Variants in KCNJ3 observed in about 807,000 individuals in gnomAD.
The protein encoded by KCNJ3 is potassium inwardly rectifying channel subfamily J member 3, also known as G protein-activated inward rectifier potassium channel 1.
KCNJ3 carries 4 observed loss-of-function variants against 39.2 expected under a neutral mutation model. That is an observed-to-expected ratio of 0.10 (90% CI 0.05 to 0.23). KCNJ3 has a LOEUF of 0.23. KCNJ3 is among the 10% of genes least tolerant of loss of function. The pLI is 1.00. For missense variants in KCNJ3, 276 were observed against 634.9 expected, an observed-to-expected ratio of 0.43 and a Z score of 6.08; for synonymous variants, 230 against 237.4, an observed-to-expected ratio of 0.97 and a Z score of 0.29.
intron 2 of KCNJ3, among the ~76,000 whole-genome samples, chr2:154,713,755 G>C (rs949695219): frequency 2.6e-5 from 4 of 152,220 alleles, no homozygotes; most frequent in African/African-American, 4.8e-5. Context: ...TCTCCCAGGA[G>C]AGAGAGCACT....
intron 2 of KCNJ3, among the ~76,000 whole-genome samples, chr2:154,715,958 T>G (rs1685173017): frequency 6.6e-6 from 1 of 152,200 alleles, no homozygotes; most frequent in South Asian, 2.1e-4. Flanking sequence ...TTTAGATAAA[T>G]TCTCTGCAGA....
chr2:154,699,605 G>A lies in KCNJ3; in HGVS notation c.702+128G>A. The A allele has an allele frequency of 7.2e-6, 10 of 1,389,582 alleles. No homozygotes were observed. The highest frequency in any genetic ancestry group is 9.5e-6 in the Non-Finnish European group (10 of 1,053,852). The allele number at this position is 1,389,582 out of a possible 1,614,324, so 86.1% of individuals were successfully genotyped here. ...TATAGCCACAGGTAAACTTCCTTTT[G>A]GGGGGTTGGGGGTTGGAGGACTGGG... On this transcript the variant is annotated intron_variant, in intron 1 of 2. Coordinates refer to ENST00000295101, the MANE Select transcript of KCNJ3 (RefSeq NM_002239.4). This position sits in a 1 kb window ranked among gnomAD's most constrained non-coding sequence, Gnocchi z 6.4.
intron 2 of KCNJ3, among the ~76,000 whole-genome samples, chr2:154,799,730 G>A (rs1159637522): frequency 6.6e-6 from 1 of 152,094 alleles, no homozygotes; most frequent in Non-Finnish European, 1.5e-5. Context: ...TGTGTGTGCA[G>A]CCTGCTCTCC....
chr2:154,775,688 G>A (rs191675944), intron 2 of KCNJ3, among the ~76,000 whole-genome samples: 67 of 152,132 alleles, frequency 4.4e-4, no homozygotes, highest in African/African-American at 1.3e-3. Flanking sequence ...CTCAATATTC[G>A]TTTTAGGATT....
chr2:154,808,278 A>C (rs1430476547), intron 2 of KCNJ3, among the ~76,000 whole-genome samples: 1 of 151,810 alleles, frequency 6.6e-6, no homozygotes, highest in Non-Finnish European at 1.5e-5. Flanking sequence ...ATGGCGTTTC[A>C]CCATGTTGGC....
chr2:154,775,687 C>T (rs1574457978), intron 2 of KCNJ3, among the ~76,000 whole-genome samples: 2 of 152,220 alleles, frequency 1.3e-5, no homozygotes, highest in South Asian at 2.1e-4. Context: ...CCTCAATATT[C>T]GTTTTAGGAT....
chr2:154,747,912 A>T (rs559552003), intron 2 of KCNJ3, among the ~76,000 whole-genome samples: 1 of 152,020 alleles, frequency 6.6e-6, no homozygotes, highest in South Asian at 2.1e-4. Flanking sequence ...GGTCAACTGC[A>T]TGGGCTTGGT....
chr2:154,787,786 CT>C (rs561483036), intron 2 of KCNJ3, among the ~76,000 whole-genome samples: 1 of 151,908 alleles, frequency 6.6e-6, no homozygotes, highest in South Asian at 2.1e-4. Flanking sequence ...TGGAATGCAA[CT>C]TTTTTTTATC....
chr2:154,730,132 A>G (rs1306933794), intron 2 of KCNJ3, among the ~76,000 whole-genome samples: 2 of 151,944 alleles, frequency 1.3e-5, no homozygotes, highest in South Asian at 2.1e-4. Context: ...TGATGCAACT[A>G]AGGACCAACA....
intron 2 of KCNJ3, among the ~76,000 whole-genome samples, chr2:154,734,151 T>C (rs766265432): frequency 1.8e-4 from 28 of 152,188 alleles, no homozygotes; most frequent in Admixed American, 4.6e-4. Flanking sequence ...AATATTTGCA[T>C]CCCACTTTCA....
intron 2 of KCNJ3, among the ~76,000 whole-genome samples, chr2:154,819,430 A>T (rs1687133262): frequency 6.6e-6 from 1 of 152,154 alleles, no homozygotes; most frequent in East Asian, 1.9e-4. Context: ...TTTTAAGTTG[A>T]ACCTTTAGAA....
chr2:154,756,534 T>C (rs2591166), intron 2 of KCNJ3, among the ~76,000 whole-genome samples: 145,251 of 149,970 alleles, frequency 0.97, 70,360 homozygotes, highest in East Asian at 1. Flanking sequence ...CCCCACCCCC[T>C]GACAGGCCCT....
intron 2 of KCNJ3, among the ~76,000 whole-genome samples, chr2:154,805,131 A>G (rs1047682916): frequency 6.6e-6 from 1 of 152,166 alleles, no homozygotes; most frequent in African/African-American, 2.4e-5. Flanking sequence ...GCAATCTATA[A>G]GTTTGTGTTC....
chr2:154,786,836 G>T (rs752665275), intron 2 of KCNJ3, among the ~76,000 whole-genome samples: 9 of 152,082 alleles, frequency 5.9e-5, no homozygotes, highest in African/African-American at 1.9e-4. Context: ...ATTGTTTTTC[G>T]TTGAAGAGCA....
At chr2:154,832,251 A>G (rs1485767168) in intron 2 of KCNJ3, among the ~76,000 whole-genome samples, 1 of 152,132 alleles carries the variant, frequency 6.6e-6, no homozygotes, top group African/African-American at 2.4e-5. Context: ...ATGGGTTTCA[A>G]TTTAATTAAA....
chr2:154,821,469 A>G (rs1398127997), intron 2 of KCNJ3, among the ~76,000 whole-genome samples: 1 of 152,122 alleles, frequency 6.6e-6, no homozygotes, highest in African/African-American at 2.4e-5. Flanking sequence ...CAAGCTATCT[A>G]CAAATCAGTT....
intron 2 of KCNJ3, among the ~76,000 whole-genome samples, chr2:154,808,380 G>A (rs987782360): frequency 2.1e-4 from 32 of 152,002 alleles, no homozygotes; most frequent in African/African-American, 7.7e-4. Flanking sequence ...CACACTCGGC[G>A]GGATAAGGGC....
intron 2 of KCNJ3, among the ~76,000 whole-genome samples, chr2:154,777,907 T>C (rs1032445309): frequency 1.3e-5 from 2 of 152,190 alleles, no homozygotes; most frequent in Non-Finnish European, 2.9e-5. Context: ...TATATGGAGC[T>C]TTAATATGGA....
chr2:154,854,910 C>T lies in KCNJ3; in HGVS notation c.1103C>T (p.Ser368Leu). 2 of 1,613,976 alleles carry T rather than the reference C, an allele frequency of 1.2e-6. No homozygotes were observed. Among genetic ancestry groups the T allele is most frequent in the South Asian group, 1.1e-5 (1 of 91,078 alleles). ...GAGCAGGAGGAAATGCTTCTCATGTCGTCCCCTTTAATAGCACCAGCCATA... is the reference window on the plus strand; with the variant it reads ...GAGCAGGAGGAAATGCTTCTCATGTTGTCCCCTTTAATAGCACCAGCCATA... ...VKEQEEMLLM[S>L]SPLIAPAITN... Residue 368 changes from serine (S) to leucine (L), a missense_variant, in exon 3 of 3, where the codon TCG becomes TTG. Physicochemically the swap from Ser to Leu is moderately radical, Grantham distance 145. Transcript: ENST00000295101.
Sources: gnomAD v4.1 joint callset for allele counts (sites outside exome capture counted in the v4.1 genomes callset) on GRCh38, gnomAD v4.1.1 for gene constraint, Gnocchi (gnomAD v3.1) non-coding constraint, MANE v1.5 for transcripts, NCBI Gene and HGNC (gene_info 2026-07-23, HGNC 2026-07-21) for gene names.